The following EHBP1 variants were observed in gnomAD, a reference collection of about 807,000 sequenced individuals.
EHBP1 encodes the protein EH domain-binding protein 1.
In EHBP1, 55 loss-of-function variants were observed where a neutral mutation model predicts 144.0. The observed-to-expected ratio is 0.38, with a 90% CI of 0.31 to 0.48. The LOEUF is 0.48. Among genes scored for constraint, EHBP1 ranks in the 20% least tolerant of loss-of-function variants. The pLI, the probability that EHBP1 is intolerant of heterozygous loss-of-function variation, is 0.98. For synonymous variants in EHBP1, 469 were observed against 472.7 expected (o/e 0.99, Z 0.10); for missense variants, 1,200 against 1,364.2 (o/e 0.88, Z 1.90).
chr2:62,938,429 A>G (rs1373136316), intron 10 of EHBP1, among the ~76,000 whole-genome samples: 1 of 152,216 alleles, frequency 6.6e-6, no homozygotes, highest in African/African-American at 2.4e-5. Context: ...GATAGAGCAG[A>G]AAAAATAGAA....
chr2:62,832,544 C>T (rs1234433403), intron 7 of EHBP1, among the ~76,000 whole-genome samples: 3 of 150,548 alleles, frequency 2.0e-5, no homozygotes, highest in African/African-American at 7.3e-5. Flanking sequence ...ACAGCGTGTG[C>T]TCACTTCGTT....
At chr2:62,855,391 G>T (rs1225918547) in intron 7 of EHBP1, among the ~76,000 whole-genome samples, 2 of 152,104 alleles carry the variant, frequency 1.3e-5, no homozygotes, top group Non-Finnish European at 2.9e-5. Context: ...GCTCCATGCT[G>T]GCCTGCAGGC....
At chr2:62,826,330 C>A in intron 6 of EHBP1, 62 bp downstream of exon 6, 2 of 1,415,058 alleles carry the variant, frequency 1.4e-6, no homozygotes, top group Non-Finnish European at 1.9e-6. Context: ...TAGCTTTTGA[C>A]TCAGTAGACT....
chr2:62,983,704 G>A (rs893643898), intron 15 of EHBP1, among the ~76,000 whole-genome samples: 1 of 152,066 alleles, frequency 6.6e-6, no homozygotes, highest in African/African-American at 2.4e-5. Flanking sequence ...ACCATGCCCA[G>A]CTAATTTTTG....
chr2:62,888,488 GAATT>G (rs1242810442), intron 10 of EHBP1, among the ~76,000 whole-genome samples: 21 of 152,148 alleles, frequency 1.4e-4, no homozygotes, highest in Non-Finnish European at 2.5e-4. Context: ...TGAAGTAACT[GAATT>G]AAAGTGCCTG....
intron 13 of EHBP1, among the ~76,000 whole-genome samples, chr2:62,949,380 G>A (rs1047534635): frequency 6.6e-6 from 1 of 152,056 alleles, no homozygotes; most frequent in East Asian, 1.9e-4. Flanking sequence ...ACCAGCCTGG[G>A]TAACATAGCG....
intron 14 of EHBP1, among the ~76,000 whole-genome samples, chr2:62,963,638 T>C (rs999781321): frequency 2.0e-5 from 3 of 152,234 alleles, no homozygotes; most frequent in Non-Finnish European, 4.4e-5. Context: ...TTATCAATTC[T>C]ACTGTTAGGA....
intron 19 of EHBP1, among the ~76,000 whole-genome samples, chr2:63,021,220 C>T (rs2060732960): frequency 6.6e-6 from 1 of 151,980 alleles, no homozygotes; most frequent in African/African-American, 2.4e-5. Flanking sequence ...CCCACTTATA[C>T]TCTCTCCGTC....
In EHBP1 at chr2:63,037,558, G is replaced by A. The variant is rs529504186; in HGVS notation, c.3127G>A (p.Ala1043Thr). Residue 1043 changes from alanine to threonine, a missense_variant, in exon 20 of 23, where the codon GCT becomes ACT. Coordinates refer to ENST00000431489, the MANE Select transcript of EHBP1 (RefSeq NM_001142616.3). The part of the protein sequence containing the change: ...DTGRNTEEEE[A>T]MMQEWFMLVN... ...AGGAAGGAACACAGAAGAAGAAGAA[G>A]CTATGATGCAGGAATGGTTTATGTT... is the stretch of plus-strand genomic sequence containing the variant. The A allele has an allele frequency of 3.7e-5, 60 of 1,607,016 alleles. 1 individual carries two copies. Among genetic ancestry groups the A allele is most frequent in the Non-Finnish European group, 4.7e-5 (55 of 1,176,464 alleles).
At chr2:62,938,600 T>C (rs2153061851) in intron 10 of EHBP1, among the ~76,000 whole-genome samples, 1 of 152,354 alleles carries the variant, frequency 6.6e-6, no homozygotes, top group Non-Finnish European at 1.5e-5. Context: ...AAATTCATTA[T>C]ATTTGCAAGT....
At chr2:62,891,721 G>T (rs2052474948) in intron 10 of EHBP1, among the ~76,000 whole-genome samples, 1 of 152,070 alleles carries the variant, frequency 6.6e-6, no homozygotes, top group African/African-American at 2.4e-5. Context: ...CATTAAAGGT[G>T]TGTTAGCATC....
In EHBP1 at chr2:62,812,475, G is replaced by A. The variant is rs995255835; in HGVS notation, c.313-13612G>A. 5.9e-5 allele frequency among the ~76,000 whole-genome samples: 9 copies of A among 152,144 alleles called. No homozygotes were observed. The South Asian group carries it at 6.2e-4, about 10-fold the overall frequency. On this transcript the variant is annotated intron_variant, in intron 5 of 22. Coordinates refer to ENST00000431489, the MANE Select transcript of EHBP1 (RefSeq NM_001142616.3). ...TTGAGAGTAGTTTTGGTGAGGGCTCGGGAGAATACAAGAGCTGTAGGGAGA... is the reference window on the plus strand; with the variant it reads ...TTGAGAGTAGTTTTGGTGAGGGCTCAGGAGAATACAAGAGCTGTAGGGAGA...
chr2:62,981,271 C>T (rs895617024), intron 15 of EHBP1, among the ~76,000 whole-genome samples: 3 of 151,968 alleles, frequency 2.0e-5, no homozygotes, highest in Admixed American at 6.6e-5. Context: ...CTTCTTTTAT[C>T]GTAAAAATCT....
At chr2:62,694,219 G>C (rs1446344362) in intron 1 of EHBP1, among the ~76,000 whole-genome samples, 2 of 152,070 alleles carry the variant, frequency 1.3e-5, no homozygotes, top group African/African-American at 4.8e-5. Context: ...AACTCTTTGG[G>C]CTAGATTGCC....
intron 21 of EHBP1, among the ~76,000 whole-genome samples, chr2:63,042,799 C>T (rs545937889): frequency 6.6e-6 from 1 of 151,788 alleles, no homozygotes; most frequent in African/African-American, 2.4e-5. Context: ...AGCAACTGGT[C>T]AAGTTCAGAG....
chr2:63,026,153 A>G lies in EHBP1; in HGVS notation c.3104-11382A>G, dbSNP rs576820983. ...TTGCCCAACATATTTACTTCTGTGGATAGTCCTTTCTAATGCTTGCATAGG... is the reference window on the plus strand; with the variant it reads ...TTGCCCAACATATTTACTTCTGTGGGTAGTCCTTTCTAATGCTTGCATAGG... On this transcript the variant is annotated intron_variant, in intron 19 of 22. Transcript: ENST00000431489. Among the ~76,000 whole-genome samples the G allele has an allele frequency of 5.3e-5, 8 of 152,272 alleles. No individual in the cohort carries two copies. In the East Asian group the frequency reaches 1.4e-3, roughly 26 times the overall value.
Position 62,851,373 on chromosome 2 carries a change from T to C in EHBP1, c.635-7796T>C, listed in dbSNP as rs934233383. ...TGTGTCATGTTCTCTTTGCCTCCCT[T>C]TGTCCTCATCCATATCCTCTTTTAT... On this transcript the variant is annotated intron_variant, in intron 7 of 22. Transcript: ENST00000431489. Among the ~76,000 whole-genome samples the C allele has an allele frequency of 2.0e-5, 3 of 152,312 alleles. No individual in the cohort carries two copies. In the East Asian group the frequency reaches 5.8e-4, roughly 29 times the overall value.
At chr2:62,852,048 A>G (rs1443404861) in intron 7 of EHBP1, among the ~76,000 whole-genome samples, 1 of 152,172 alleles carries the variant, frequency 6.6e-6, no homozygotes, top group Non-Finnish European at 1.5e-5. Context: ...CATTATACCT[A>G]AAATTCTGTG....
chr2:62,956,335 GAC>G (rs1204789309), intron 14 of EHBP1, among the ~76,000 whole-genome samples: 1 of 152,136 alleles, frequency 6.6e-6, no homozygotes, highest in Non-Finnish European at 1.5e-5. Context: ...AGAAAACTGT[GAC>G]AGTCTCACCA....
Sources: allele counts gnomAD v4.1 joint callset (sites outside exome capture counted in the v4.1 genomes callset), GRCh38; gene constraint gnomAD v4.1.1; transcripts MANE v1.5; gene names NCBI Gene and HGNC (gene_info 2026-07-23, HGNC 2026-07-21).